The following BTBD9 variants were observed in gnomAD, a reference collection of about 807,000 sequenced individuals.
BTBD9 encodes BTB/POZ domain-containing protein 9.
A neutral mutation model predicts 64.3 loss-of-function variants in BTBD9; 49 were observed. The ratio of observed to expected loss-of-function variants is 0.76; its 90% CI spans 0.61 to 0.97. The LOEUF is 0.97. Among genes scored for constraint, BTBD9 ranks in the 50% least tolerant of loss-of-function variants. BTBD9 has a pLI of 0.00. For synonymous variants in BTBD9, 260 were observed against 274.7 expected, an observed-to-expected ratio of 0.95 and a Z score of 0.53; for missense variants, 598 against 762.1, an observed-to-expected ratio of 0.78 and a Z score of 2.53.
At chr6:38,489,903 T>C (rs1227786426) in intron 6 of BTBD9, among the ~76,000 whole-genome samples, 2 of 152,244 alleles carry the variant, frequency 1.3e-5, no homozygotes, top group East Asian at 3.8e-4. Context: ...AAATATTGTA[T>C]GTTTCCCACT....
intron 6 of BTBD9, among the ~76,000 whole-genome samples, chr6:38,384,718 C>T (rs911587506): frequency 5.3e-5 from 8 of 152,114 alleles, no homozygotes; most frequent in East Asian, 3.8e-4. Context: ...GAAGACAATG[C>T]TTAAATATGG....
rs1472751952 is a variant in BTBD9 at position 38,171,133 on chromosome 6, T to C, written c.*3852A>G. 2.0e-5 allele frequency: 3 copies of C among 152,256 alleles called. No homozygotes were observed. The highest frequency in any genetic ancestry group is 1.3e-4 in the Admixed American group (2 of 15,288). The allele number at this position is 152,256 out of a possible 1,614,324, so 9.4% of individuals were successfully genotyped here. ...AGAACGCTCGCTTTTTATTGTAGAT[T>C]ATACCTTCCTTTTCCCCCTTGGCTC... On this transcript the variant is annotated 3_prime_UTR_variant, in exon 11 of 11. Transcript: ENST00000481247.
At chr6:38,275,986 TC>T (rs1454908676) in intron 8 of BTBD9, among the ~76,000 whole-genome samples, 1 of 152,100 alleles carries the variant, frequency 6.6e-6, no homozygotes, top group African/African-American at 2.4e-5. Context: ...GACCCAGCCA[TC>T]CCATTACTGG....
intron 9 of BTBD9, among the ~76,000 whole-genome samples, chr6:38,198,195 CTG>C (rs1213226809): frequency 1.3e-5 from 2 of 152,190 alleles, no homozygotes; most frequent in Non-Finnish European, 2.9e-5. Context: ...AAAACAATGT[CTG>C]TGTTCAGGTG....
In BTBD9 at chr6:38,493,450, A is replaced by G. The variant is rs551190425; in HGVS notation, c.1154+84150T>C. ...TGAGGTTCTCCCTTTTCCTGAGGAA[A>G]ATGAGGTCTCACTCATCTCCTATTT... On this transcript the variant is annotated intron_variant, in intron 6 of 10. Transcript: ENST00000481247. 9.2e-5 allele frequency among the ~76,000 whole-genome samples: 14 copies of G among 152,272 alleles called. No homozygotes were observed. In the East Asian group the frequency reaches 2.7e-3, roughly 29 times the overall value.
At chr6:38,490,419 C>CAAG (rs745540307) in intron 6 of BTBD9, among the ~76,000 whole-genome samples, 33 of 152,282 alleles carry the variant, frequency 2.2e-4, no homozygotes, top group Non-Finnish European at 4.0e-4. Flanking sequence ...CTCCCAGGTT[C>CAAG]AAGAGATTCT....
chr6:38,180,908 TGTA>T (rs1020873604), intron 10 of BTBD9, among the ~76,000 whole-genome samples: 7 of 152,366 alleles, frequency 4.6e-5, no homozygotes, highest in Admixed American at 3.3e-4. Context: ...TGTCCTTTTC[TGTA>T]GCTGCTGTTT....
rs898159242 is a variant in BTBD9 at position 38,407,776 on chromosome 6, T to C, written c.1155-62683A>G. 6.6e-5 allele frequency among the ~76,000 whole-genome samples: 10 copies of C among 152,312 alleles called. No homozygotes were observed. The South Asian group carries it at 1.0e-3, about 16-fold the overall frequency. ...TGTTCATGACTATAAAGATGATCAA[T>C]TGTAAATCCTGAAGTAGCAATGGAA... On this transcript the variant is annotated intron_variant, in intron 6 of 10. Coordinates refer to ENST00000481247, the MANE Select transcript of BTBD9 (RefSeq NM_001099272.2).
At chr6:38,412,864 AACAAC>A (rs760668776) in intron 6 of BTBD9, among the ~76,000 whole-genome samples, 2 of 35,570 alleles carry the variant, frequency 5.6e-5, no homozygotes, top group Admixed American at 4.0e-4. Flanking sequence ...ATCTCAAAAC[AACAAC>A]AACAACAACA....
intron 6 of BTBD9, among the ~76,000 whole-genome samples, chr6:38,504,933 T>C (rs574221150): frequency 6.6e-6 from 1 of 152,344 alleles, no homozygotes; most frequent in African/African-American, 2.4e-5. Flanking sequence ...ACCAAAACAC[T>C]GGAAATGCTT....
At chr6:38,585,361 T>C (rs1228529408) in intron 4 of BTBD9, among the ~76,000 whole-genome samples, 1 of 152,150 alleles carries the variant, frequency 6.6e-6, no homozygotes, top group East Asian at 1.9e-4. Context: ...TAGGCTGGAG[T>C]GTGGTGGGAT....
chr6:38,478,442 C>A (rs1448437765), intron 6 of BTBD9, among the ~76,000 whole-genome samples: 1 of 152,078 alleles, frequency 6.6e-6, no homozygotes, highest in Non-Finnish European at 1.5e-5. Flanking sequence ...TCTATCTTGT[C>A]TCCTATTTTT....
chr6:38,445,292 TAATC>T (rs1018303015), intron 6 of BTBD9, among the ~76,000 whole-genome samples: 1 of 152,248 alleles, frequency 6.6e-6, no homozygotes, highest in Non-Finnish European at 1.5e-5. Context: ...ATTACTTTCT[TAATC>T]AATCCATAGG....
Position 38,396,315 on chromosome 6 carries a change from G to A in BTBD9, c.1155-51222C>T, listed in dbSNP as rs538196929. On this transcript the variant is annotated intron_variant, in intron 6 of 10. Coordinates refer to ENST00000481247, the MANE Select transcript of BTBD9 (RefSeq NM_001099272.2). ...AACTAAAAAGCTTAGTTAGTGTACT[G>A]AATGTGAACCTACTATGTCTCTAAG... Among the ~76,000 whole-genome samples, 8 of 152,308 alleles carry A rather than the reference G, an allele frequency of 5.3e-5. No homozygotes were observed. The South Asian group carries it at 1.7e-3, about 32-fold the overall frequency.
chr6:38,247,606 C>G (rs980667448), intron 9 of BTBD9, among the ~76,000 whole-genome samples: 1 of 152,178 alleles, frequency 6.6e-6, no homozygotes, highest in Non-Finnish European at 1.5e-5. Flanking sequence ...GGCCAGGGCC[C>G]TTGGAGAGGG....
intron 8 of BTBD9, among the ~76,000 whole-genome samples, chr6:38,284,714 T>G (rs912280215): frequency 1.3e-5 from 2 of 152,078 alleles, no homozygotes; most frequent in Non-Finnish European, 1.5e-5. Flanking sequence ...CTGATAGAAA[T>G]TGTATACAAA....
At chr6:38,517,859 A>C (rs1407323474) in intron 6 of BTBD9, among the ~76,000 whole-genome samples, 1 of 152,122 alleles carries the variant, frequency 6.6e-6, no homozygotes. Flanking sequence ...TTACCCTTAT[A>C]GACTTGGACC....
intron 6 of BTBD9, among the ~76,000 whole-genome samples, chr6:38,421,843 A>G (rs1767916430): frequency 6.6e-6 from 1 of 152,092 alleles, no homozygotes; most frequent in African/African-American, 2.4e-5. Flanking sequence ...TAAAGAAAGA[A>G]AAGTAAATGG....
intron 9 of BTBD9, chr6:38,207,256 T>C: frequency 4.5e-6 from 1 of 223,706 alleles, no homozygotes; most frequent in Non-Finnish European, 9.6e-6. Context: ...CAGAAAAATC[T>C]GTGTTAAAAG....
Sources: allele counts gnomAD v4.1 joint callset (sites outside exome capture counted in the v4.1 genomes callset), GRCh38; gene constraint gnomAD v4.1.1; transcripts MANE v1.5; gene names NCBI Gene and HGNC (gene_info 2026-07-23, HGNC 2026-07-21).